Variants in NELL1 observed in about 807,000 individuals in gnomAD.
The protein encoded by NELL1 is neural EGFL like 1.
In NELL1, 76 loss-of-function variants were observed where a neutral mutation model predicts 107.4. That is an observed-to-expected ratio of 0.71 (90% confidence interval 0.59 to 0.86). The LOEUF is 0.86. Ranked by LOEUF, NELL1 falls within the 40% of genes least tolerant of loss-of-function variation. The pLI is 0.00. For synonymous variants in NELL1, 353 were observed against 341.2 expected (o/e 1.03, Z -0.38); for missense variants, 1,024 against 1,005.5 (o/e 1.02, Z -0.25).
At chr11:20,846,425 C>T (rs1322649785) in intron 3 of NELL1, among the ~76,000 whole-genome samples, 1 of 152,156 alleles carries the variant, frequency 6.6e-6, no homozygotes, top group Non-Finnish European at 1.5e-5. Context: ...TTAGCCAGCT[C>T]AGTGGATTAG....
intron 13 of NELL1, among the ~76,000 whole-genome samples, chr11:21,135,794 A>T (rs1238339218): frequency 6.6e-6 from 1 of 152,132 alleles, no homozygotes; most frequent in African/African-American, 2.4e-5. Flanking sequence ...CTCTCATGTA[A>T]CTTTATGTAT....
At chr11:20,931,235 G>A (rs918712368) in intron 9 of NELL1, among the ~76,000 whole-genome samples, 1 of 151,964 alleles carries the variant, frequency 6.6e-6, no homozygotes, top group Non-Finnish European at 1.5e-5. Flanking sequence ...GAATACCGGG[G>A]GAAGGCCTGG....
chr11:21,026,666 T>G (rs1156436394), intron 12 of NELL1, among the ~76,000 whole-genome samples: 2 of 152,170 alleles, frequency 1.3e-5, no homozygotes, highest in Non-Finnish European at 2.9e-5. Flanking sequence ...CAGTGTTTGT[T>G]GAATGAATGA....
At chr11:20,712,507 A>G (rs140249601) in intron 2 of NELL1, among the ~76,000 whole-genome samples, 3,749 of 152,222 alleles carry the variant, frequency 0.025, 175 homozygotes, top group African/African-American at 0.085. Context: ...GTTTGGATCC[A>G]TTGCTGGGGA....
At chr11:21,345,800 G>T (rs902378568) in intron 14 of NELL1, among the ~76,000 whole-genome samples, 8 of 152,116 alleles carry the variant, frequency 5.3e-5, no homozygotes, top group Non-Finnish European at 1.0e-4. Flanking sequence ...TGTGTGCTTT[G>T]AATTTTTCAC....
chr11:21,023,844 T>C (rs1158980954), intron 12 of NELL1, among the ~76,000 whole-genome samples: 1 of 152,150 alleles, frequency 6.6e-6, no homozygotes, highest in Non-Finnish European at 1.5e-5. Flanking sequence ...ATATGTCTTT[T>C]GGCTCATTTG....
chr11:21,404,844 G>T (rs571313569), intron 15 of NELL1, among the ~76,000 whole-genome samples: 95 of 152,086 alleles, frequency 6.2e-4, no homozygotes, highest in Non-Finnish European at 1.3e-3. Context: ...AGCCCTGGGG[G>T]CTTTCCTCAG....
At chr11:21,352,727 A>G (rs1386614568) in intron 14 of NELL1, among the ~76,000 whole-genome samples, 1 of 152,078 alleles carries the variant, frequency 6.6e-6, no homozygotes, top group African/African-American at 2.4e-5. Flanking sequence ...TCTATTGCAA[A>G]CTGCTTTTCT....
chr11:20,983,719 G>C (rs1851794738), intron 12 of NELL1, among the ~76,000 whole-genome samples: 1 of 152,080 alleles, frequency 6.6e-6, no homozygotes, highest in Admixed American at 6.6e-5. Flanking sequence ...CGTTGGTGGT[G>C]GCCTCTTCAC....
chr11:21,005,505 G>A (rs1157879785), intron 12 of NELL1, among the ~76,000 whole-genome samples: 1 of 152,136 alleles, frequency 6.6e-6, no homozygotes, highest in Non-Finnish European at 1.5e-5. Flanking sequence ...CACAGCACAG[G>A]GGTGCTGCTG....
intron 4 of NELL1, among the ~76,000 whole-genome samples, chr11:20,875,171 T>C (rs1849278786): frequency 6.6e-6 from 1 of 152,216 alleles, no homozygotes; most frequent in Non-Finnish European, 1.5e-5. Flanking sequence ...AAGGTGTTTA[T>C]TTTATTTTAT....
chr11:20,669,792 T>C lies in NELL1; in HGVS notation c.55+14T>C. ...CTGCCAGGACAGGTAAGCATGACTG[T>C]GGCGGTTAGAGGGATCCGGGAAATG... On this transcript the variant is annotated intron_variant, in intron 1 of 19. Coordinates refer to ENST00000357134, the MANE Select transcript of NELL1 (RefSeq NM_006157.5). This position sits in a 1 kb window ranked among gnomAD's most constrained non-coding sequence, Gnocchi z 4.4. The C allele has an allele frequency of 3.7e-6, 6 of 1,611,492 alleles. No homozygotes were observed. The highest frequency in any genetic ancestry group is 4.2e-6 in the Non-Finnish European group (5 of 1,177,972).
intron 12 of NELL1, among the ~76,000 whole-genome samples, chr11:21,003,969 A>G (rs1312022082): frequency 2.6e-5 from 4 of 151,992 alleles, no homozygotes; most frequent in Non-Finnish European, 5.9e-5. Context: ...AAAATAGAGG[A>G]CTCATACAGA....
chr11:21,468,494 T>G (rs1359573278), intron 15 of NELL1, among the ~76,000 whole-genome samples: 1 of 152,026 alleles, frequency 6.6e-6, no homozygotes, highest in African/African-American at 2.4e-5. Flanking sequence ...CCCATTACAG[T>G]GTGAATTATC....
At chr11:21,138,656 T>C (rs1855797570) in intron 13 of NELL1, among the ~76,000 whole-genome samples, 1 of 152,286 alleles carries the variant, frequency 6.6e-6, no homozygotes, top group East Asian at 1.9e-4. Context: ...TGTGAATAGG[T>C]GTGATTTATC....
At chr11:20,862,383 A>G (rs1054441082) in intron 4 of NELL1, among the ~76,000 whole-genome samples, 2 of 152,152 alleles carry the variant, frequency 1.3e-5, no homozygotes, top group African/African-American at 4.8e-5. Flanking sequence ...ACACACGCAC[A>G]AGCTTCCCTT....
chr11:20,831,583 G>GT (rs1858010324), intron 3 of NELL1, among the ~76,000 whole-genome samples: 1 of 152,182 alleles, frequency 6.6e-6, no homozygotes, highest in Admixed American at 6.5e-5. Context: ...GTTTTGGAAG[G>GT]TGGGGGGGAC....
chr11:21,076,689 G>A (rs370743747), intron 12 of NELL1, among the ~76,000 whole-genome samples: 36 of 152,284 alleles, frequency 2.4e-4, no homozygotes, highest in African/African-American at 7.5e-4. Flanking sequence ...GGGCCTAATT[G>A]GAGGTGTTTG....
chr11:20,805,712 C>T (rs554917510), intron 3 of NELL1, among the ~76,000 whole-genome samples: 1 of 152,270 alleles, frequency 6.6e-6, no homozygotes, highest in South Asian at 2.1e-4. Flanking sequence ...CCGTGTTAGC[C>T]AGGATGGTCT....
Sources: gnomAD v4.1 joint callset for allele counts (sites outside exome capture counted in the v4.1 genomes callset) on GRCh38, gnomAD v4.1.1 for gene constraint, Gnocchi (gnomAD v3.1) non-coding constraint, MANE v1.5 for transcripts, NCBI Gene and HGNC (gene_info 2026-07-23, HGNC 2026-07-21) for gene names.